KDM1B: variants seen among roughly 807,000 people sequenced by gnomAD.
KDM1B encodes the protein lysine demethylase 1B, also known as lysine-specific histone demethylase 2.
A neutral mutation model predicts 107.4 loss-of-function variants in KDM1B; 63 were observed. That is an observed-to-expected ratio of 0.59 (90% confidence interval 0.48 to 0.72). KDM1B has a LOEUF of 0.72. Ranked by LOEUF, KDM1B falls within the 30% of genes least tolerant of loss-of-function variation. The pLI is 0.00. For synonymous variants in KDM1B, 363 were observed against 363.9 expected (o/e 1.00, Z 0.03); for missense variants, 749 against 1,020.8 (o/e 0.73, Z 3.63).
chr6:18,168,979 C>A (rs1785489627), intron 6 of KDM1B, among the ~76,000 whole-genome samples: 1 of 151,766 alleles, frequency 6.6e-6, no homozygotes, highest in Non-Finnish European at 1.5e-5. Context: ...TCAAGCCATT[C>A]TCCTGCCTCT....
chr6:18,207,913 A>G (rs994372078), intron 16 of KDM1B, among the ~76,000 whole-genome samples: 4 of 152,224 alleles, frequency 2.6e-5, no homozygotes, highest in African/African-American at 7.2e-5. Context: ...TATTATAACT[A>G]TCTTCTATAT....
chr6:18,217,100 C>T (rs375196371), intron 20 of KDM1B, among the ~76,000 whole-genome samples: 4 of 152,078 alleles, frequency 2.6e-5, no homozygotes, highest in African/African-American at 7.3e-5. Flanking sequence ...TGCTACCACA[C>T]GATGGAAAAG....
intron 14 of KDM1B, among the ~76,000 whole-genome samples, chr6:18,202,358 C>T (rs1169875119): frequency 6.6e-6 from 1 of 151,842 alleles, no homozygotes; most frequent in Non-Finnish European, 1.5e-5. Flanking sequence ...TATGATCCCA[C>T]CACTGCACTC....
intron 5 of KDM1B, among the ~76,000 whole-genome samples, chr6:18,164,743 T>G (rs569057268): frequency 3.2e-4 from 48 of 152,084 alleles, no homozygotes; most frequent in Admixed American, 1.2e-3. Flanking sequence ...CCTCCTGGGT[T>G]CAAGTGATTC....
chr6:18,170,980 C>T (rs548020616), intron 6 of KDM1B, among the ~76,000 whole-genome samples: 3 of 152,062 alleles, frequency 2.0e-5, no homozygotes, highest in Non-Finnish European at 4.4e-5. Flanking sequence ...GCCACCACGC[C>T]TGGCTAACTT....
rs1787306057 is a variant in KDM1B, at chr6:18,191,939, G to A, written c.969+558G>A. On this transcript the variant is annotated intron_variant, in intron 10 of 21. Transcript: ENST00000650836. This position sits in a 1 kb window ranked among gnomAD's most constrained non-coding sequence, Gnocchi z 5.1. Reference sequence around the variant, plus strand: ...GAAAAAGGTGAAAATAAATTATGGGGCAGAATGGGAATACTAGCTAAAAAC... The same window carrying A: ...GAAAAAGGTGAAAATAAATTATGGGACAGAATGGGAATACTAGCTAAAAAC... Among the ~76,000 whole-genome samples, 1 of 151,908 alleles carries A rather than the reference G, an allele frequency of 6.6e-6. No individual in the cohort carries two copies. The highest frequency in any genetic ancestry group is 2.1e-4 in the South Asian group (1 of 4,818).
intron 7 of KDM1B, among the ~76,000 whole-genome samples, chr6:18,174,958 G>T (rs1561916541): frequency 1.3e-5 from 2 of 152,178 alleles, no homozygotes; most frequent in Admixed American, 1.3e-4. Context: ...ACATGCATAT[G>T]GAAGTATGTT....
chr6:18,207,570 G>C (rs1788471200), intron 16 of KDM1B, 41 bp downstream of exon 16: 2 of 1,610,612 alleles, frequency 1.2e-6, no homozygotes, highest in Middle Eastern at 1.7e-4. Flanking sequence ...CGCCTTGTTT[G>C]GGGAGGATGT....
intron 21 of KDM1B, among the ~76,000 whole-genome samples, chr6:18,218,235 C>T (rs1789398654): frequency 6.6e-6 from 1 of 152,138 alleles, no homozygotes; most frequent in Admixed American, 6.5e-5. Flanking sequence ...ACCCTCCCAC[C>T]TCAGCTTCCC....
rs1225488168 is a variant in KDM1B at position 18,161,518 on chromosome 6, C to G, written c.215+64C>G. ...TGTGAGAAGTTCTTTGTGGAAACAT[C>G]ATCCTTGTAGATAGTTTTCCTAAAG... On this transcript the variant is annotated intron_variant, in intron 4 of 21. Transcript: ENST00000650836. 2.6e-6 allele frequency: 4 copies of G among 1,562,904 alleles called. No homozygotes were observed. In the East Asian group the frequency reaches 9.0e-5, roughly 35 times the overall value.
rs1332807242 is a variant in KDM1B, at chr6:18,212,464, T to C, written c.1867-24T>C. ...GTGAGGTTCTGTTGCTGTTTGTTTG[T>C]TAACTGTTAATTATTTTCCACAGGT... On this transcript the variant is annotated intron_variant, in intron 17 of 21. Coordinates refer to ENST00000650836, the MANE Select transcript of KDM1B (RefSeq NM_001364614.2). The surrounding 1 kb of genome is among the most constrained non-coding windows in gnomAD (Gnocchi z 5.2). 2.3e-5 allele frequency: 32 copies of C among 1,385,388 alleles called. No individual in the cohort carries two copies. The highest frequency in any genetic ancestry group is 3.1e-5 in the Non-Finnish European group (30 of 971,356). The allele number at this position is 1,385,388 out of a possible 1,614,324, so 85.8% of individuals were successfully genotyped here.
Position 18,213,705 on chromosome 6 carries a change from C to A in KDM1B, c.2033C>A (p.Ala678Asp). 6.2e-7 allele frequency: 1 copy of A among 1,614,122 alleles called. No individual in the cohort carries two copies. Among genetic ancestry groups the A allele is most frequent in the Non-Finnish European group, 8.5e-7 (1 of 1,180,002 alleles). ...TTTTGGGACAGTAAAGTACAAGGGGCTGACTTTTTTGGTCACGTTCCTCCC... is the reference window on the plus strand; with the variant it reads ...TTTTGGGACAGTAAAGTACAAGGGGATGACTTTTTTGGTCACGTTCCTCCC... ...YRFWDSKVQGADFFGHVPPSA... is the reference protein window; with the variant it reads ...YRFWDSKVQGDDFFGHVPPSA... Residue 678 changes from alanine (A) to aspartate (D), a missense_variant, in exon 19 of 22, where the codon GCT becomes GAT. By Grantham distance (126) the Ala-to-Asp change is moderately radical. Transcript: ENST00000650836. The surrounding 1 kb of genome is among the most constrained non-coding windows in gnomAD (Gnocchi z 5.9).
chr6:18,189,739 A>T (rs187527561), intron 9 of KDM1B, among the ~76,000 whole-genome samples: 1 of 152,322 alleles, frequency 6.6e-6, no homozygotes, highest in Non-Finnish European at 1.5e-5. Context: ...TAGACACAGA[A>T]ATAAGGATAA....
chr6:18,196,681 A>C (rs1212408690), intron 10 of KDM1B, among the ~76,000 whole-genome samples: 2 of 152,202 alleles, frequency 1.3e-5, no homozygotes, highest in Non-Finnish European at 2.9e-5. Context: ...CACTATACAG[A>C]CTTTCCTTGT....
intron 7 of KDM1B, among the ~76,000 whole-genome samples, chr6:18,179,842 T>TA (rs1561921278): frequency 1.2e-5 from 1 of 81,604 alleles, no homozygotes; most frequent in African/African-American, 5.1e-5. Flanking sequence ...TAGCATTGGT[T>TA]TTTTTTCCTT....
chr6:18,213,853 C>T lies in KDM1B; in HGVS notation c.2109+72C>T. The T allele has an allele frequency of 6.5e-7, 1 of 1,535,370 alleles. No individual in the cohort carries two copies. Among genetic ancestry groups the T allele is most frequent in the South Asian group, 1.1e-5 (1 of 88,192 alleles). Reference sequence around the variant, plus strand: ...AGAATTTGATGTGATAATTACTCACCTATCAAGCTCAGGAACTAACGAACA... The same window carrying T: ...AGAATTTGATGTGATAATTACTCACTTATCAAGCTCAGGAACTAACGAACA... On this transcript the variant is annotated intron_variant, in intron 19 of 21. Transcript: ENST00000650836. The surrounding 1 kb of genome is among the most constrained non-coding windows in gnomAD (Gnocchi z 5.9).
intron 10 of KDM1B, among the ~76,000 whole-genome samples, chr6:18,192,509 C>T (rs532038969): frequency 3.9e-5 from 6 of 152,146 alleles, no homozygotes; most frequent in Non-Finnish European, 8.8e-5. Flanking sequence ...GTAGGCTGTG[C>T]GAGGTAGCCA....
rs988116757 is a variant in KDM1B, at chr6:18,222,955, C to T, written c.*963C>T. 33 of 152,560 alleles carry T rather than the reference C, an allele frequency of 2.2e-4. No individual in the cohort carries two copies. The highest frequency in any genetic ancestry group is 7.2e-4 in the African/African-American group (30 of 41,432). 9.5% of individuals were successfully genotyped at this position (152,560 alleles called of 1,614,324 possible). ...AAAACTGCAGAAAAATGTGAGCTCT[C>T]CTGGTAAATAGTATACATTTTATAA... On this transcript the variant is annotated 3_prime_UTR_variant, in exon 22 of 22. Coordinates refer to ENST00000650836, the MANE Select transcript of KDM1B (RefSeq NM_001364614.2).
intron 7 of KDM1B, among the ~76,000 whole-genome samples, 170 bp from the exon 8 acceptor site, chr6:18,185,602 G>A (rs972155858): frequency 1.3e-5 from 2 of 152,126 alleles, no homozygotes; most frequent in Non-Finnish European, 2.9e-5. Flanking sequence ...GATTATAGGC[G>A]TGAGCCACAG....
Sources: gnomAD v4.1 joint callset for allele counts (sites outside exome capture counted in the v4.1 genomes callset) on GRCh38, gnomAD v4.1.1 for gene constraint, Gnocchi (gnomAD v3.1) non-coding constraint, MANE v1.5 for transcripts, NCBI Gene and HGNC (gene_info 2026-07-23, HGNC 2026-07-21) for gene names.